Variants in OPCML observed in about 807,000 individuals in gnomAD.
The protein encoded by OPCML is opioid-binding protein/cell adhesion molecule.
In OPCML, 13 loss-of-function variants were observed where a neutral mutation model predicts 37.8. The observed-to-expected ratio is 0.34, with a 90% confidence interval of 0.22 to 0.55. The LOEUF (loss-of-function observed/expected upper bound fraction) is 0.55, where lower values mean the gene tolerates loss of function less well. Among genes scored for constraint, OPCML ranks in the 20% least tolerant of loss-of-function variants. The pLI is 0.91. For missense variants in OPCML, 341 were observed against 435.6 expected, an observed-to-expected ratio of 0.78 and a Z score of 1.93; for synonymous variants, 176 against 168.8, an observed-to-expected ratio of 1.04 and a Z score of -0.33.
chr11:132,726,016 A>T (rs1324256502), intron 2 of OPCML, among the ~76,000 whole-genome samples: 1 of 152,136 alleles, frequency 6.6e-6, no homozygotes, highest in African/African-American at 2.4e-5. Context: ...AAAGCCATTC[A>T]ACAAGTCTCT....
chr11:133,285,916 T>A (rs1315014465), intron 1 of OPCML, among the ~76,000 whole-genome samples: 2 of 152,118 alleles, frequency 1.3e-5, no homozygotes, highest in Non-Finnish European at 2.9e-5. Flanking sequence ...GACTGATTCA[T>A]TGGAAAGACA....
At chr11:132,582,463 T>TA (rs1280766895) in intron 3 of OPCML, among the ~76,000 whole-genome samples, 1 of 151,946 alleles carries the variant, frequency 6.6e-6, no homozygotes, top group East Asian at 1.9e-4. Flanking sequence ...AGCAACAATA[T>TA]AAAAATAACT....
At chr11:132,923,785 CAG>C (rs1327574006) in intron 2 of OPCML, among the ~76,000 whole-genome samples, 4 of 73,570 alleles carry the variant, frequency 5.4e-5, no homozygotes, top group East Asian at 5.1e-4. Flanking sequence ...TTTTTTGAGA[CAG>C]AGTCTCACTC....
chr11:132,436,691 C>T lies in OPCML; in HGVS notation c.732G>A (p.Met244Ile). ...ILSCEASAVP[M>I]AEFQWFKEET... ...CTTCCTTGAACCACTGGAATTCAGCCATGGGGACTGCAGAGGCTTCACAGC... is the reference window on the plus strand; with the variant it reads ...CTTCCTTGAACCACTGGAATTCAGCTATGGGGACTGCAGAGGCTTCACAGC... The change falls in exon 6 of 8, where the codon ATG (methionine) becomes ATA (isoleucine). Residue 244 changes from methionine to isoleucine, a missense_variant. Coordinates refer to ENST00000524381, the MANE Select transcript of OPCML (RefSeq NM_001012393.5). 6.2e-7 allele frequency: 1 copy of T among 1,614,192 alleles called. No individual in the cohort carries two copies.
chr11:132,447,223 G>T (rs115879326), intron 4 of OPCML, among the ~76,000 whole-genome samples: 2 of 152,302 alleles, frequency 1.3e-5, no homozygotes, highest in African/African-American at 4.8e-5. Context: ...GAATGCCTTT[G>T]TTGTTTTCCT....
chr11:132,491,452 T>G (rs1253268139), intron 4 of OPCML, among the ~76,000 whole-genome samples: 1 of 152,222 alleles, frequency 6.6e-6, no homozygotes, highest in Non-Finnish European at 1.5e-5. Context: ...TTCCCTCGGC[T>G]GGACAGCCTG....
intron 1 of OPCML, among the ~76,000 whole-genome samples, chr11:133,277,478 C>T (rs1049734566): frequency 4.6e-5 from 7 of 152,086 alleles, no homozygotes; most frequent in Admixed American, 3.9e-4. Context: ...TTCTTCCAGA[C>T]GAAGTTAAAA....
chr11:133,277,439 A>G (rs1383835187), intron 1 of OPCML, among the ~76,000 whole-genome samples: 1 of 152,102 alleles, frequency 6.6e-6, no homozygotes, highest in Non-Finnish European at 1.5e-5. Context: ...TGCATTCATT[A>G]ATTTATACAT....
At chr11:133,354,267 A>G (rs867504351) in intron 1 of OPCML, among the ~76,000 whole-genome samples, 29 of 2,750 alleles carry the variant, frequency 0.011, no homozygotes, top group South Asian at 0.04. Flanking sequence ...TGGTGGTGGT[A>G]GTGGTGGTGA....
At chr11:132,683,160 A>C (rs1943025115) in intron 2 of OPCML, among the ~76,000 whole-genome samples, 1 of 152,232 alleles carries the variant, frequency 6.6e-6, no homozygotes, top group African/African-American at 2.4e-5. Context: ...CACACCCGTA[A>C]TCCCAATAAT....
At chr11:133,304,218 A>G (rs1288450008) in intron 1 of OPCML, among the ~76,000 whole-genome samples, 1 of 152,204 alleles carries the variant, frequency 6.6e-6, no homozygotes, top group African/African-American at 2.4e-5. Flanking sequence ...GTCTGCTGGG[A>G]CATGAAGCTT....
chr11:132,919,092 A>C (rs1379097533), intron 2 of OPCML, among the ~76,000 whole-genome samples: 9 of 152,212 alleles, frequency 5.9e-5, no homozygotes, highest in Non-Finnish European at 8.8e-5. Flanking sequence ...ATTTGAGAGT[A>C]TAAGTAGATA....
rs148785570 is a variant in OPCML, at chr11:132,762,860, A to G, written c.147-105541T>C. On this transcript the variant is annotated intron_variant, in intron 2 of 7. Transcript: ENST00000524381. The stretch of plus-strand genomic sequence containing the variant: ...CTGGTGTTCCACGTGCCACTGAGGT[A>G]CAAAAAAATACACCTGCAGCTAGCT... 4.9e-3 allele frequency among the ~76,000 whole-genome samples: 749 copies of G among 152,202 alleles called. 6 individuals are homozygous for G. The highest frequency in any genetic ancestry group is 8.3e-3 in the Non-Finnish European group (562 of 68,000).
At chr11:133,083,283 G>C (rs1948768528) in intron 1 of OPCML, among the ~76,000 whole-genome samples, 1 of 152,164 alleles carries the variant, frequency 6.6e-6, no homozygotes, top group Non-Finnish European at 1.5e-5. Flanking sequence ...CGCGCGCTGT[G>C]GTCTCACTCC....
chr11:133,498,586 C>G (rs987792649), intron 1 of OPCML, among the ~76,000 whole-genome samples: 33 of 152,194 alleles, frequency 2.2e-4, no homozygotes, highest in African/African-American at 7.7e-4. Context: ...TCTCCCCACC[C>G]ATCTGGCTAA....
intron 1 of OPCML, among the ~76,000 whole-genome samples, chr11:133,110,186 A>G (rs2137090670): frequency 6.6e-6 from 1 of 152,332 alleles, no homozygotes; most frequent in East Asian, 1.9e-4. Context: ...ATGAAGTCAA[A>G]AGACATGGAT....
intron 2 of OPCML, among the ~76,000 whole-genome samples, chr11:132,797,655 T>C (rs528479025): frequency 1.3e-5 from 2 of 152,296 alleles, no homozygotes; most frequent in East Asian, 1.9e-4. Context: ...TGGGCCATAA[T>C]AGTATGCCTA....
rs939033035 is a variant in OPCML at position 133,387,938 on chromosome 11, G to A, written c.61+144326C>T. On this transcript the variant is annotated intron_variant, in intron 1 of 7. Transcript: ENST00000524381. ...TGACAGTCAGAACCTTTTCCAGGGA[G>A]AGGGATACCAAGTGCAAAGACACTT... Among the ~76,000 whole-genome samples the A allele has an allele frequency of 2.6e-5, 4 of 152,178 alleles. No homozygotes were observed. In the East Asian group the frequency reaches 7.7e-4, roughly 29 times the overall value.
At position 133,321,168 on chromosome 11, in the gene OPCML, T is replaced by TA. The variant is rs200232718; in HGVS notation, c.61+211095dup. On this transcript the variant is annotated intron_variant, in intron 1 of 7. Coordinates refer to ENST00000524381, the MANE Select transcript of OPCML (RefSeq NM_001012393.5). ...AATTAAGATAAGGAAATACTTTTTT[T>TA]AAAAAAAACAAAACCCATAATGTAT... 2.7e-3 allele frequency among the ~76,000 whole-genome samples: 416 copies of TA among 151,892 alleles called. 2 individuals carry two copies. The highest frequency in any genetic ancestry group is 9.1e-3 in the African/African-American group (379 of 41,450).
Sources: gnomAD v4.1 joint callset for allele counts (sites outside exome capture counted in the v4.1 genomes callset) on GRCh38, gnomAD v4.1.1 for gene constraint, MANE v1.5 for transcripts, NCBI Gene and HGNC (gene_info 2026-07-23, HGNC 2026-07-21) for gene names.